CRYM: variants seen among roughly 807,000 people sequenced by gnomAD.
CRYM encodes ketimine reductase mu-crystallin.
A neutral mutation model predicts 32.9 loss-of-function variants in CRYM; 18 were observed. The ratio of observed to expected loss-of-function variants is 0.55; its 90% CI spans 0.38 to 0.81. The LOEUF (loss-of-function observed/expected upper bound fraction) is 0.81, where lower values mean the gene tolerates loss of function less well. Among genes scored for constraint, CRYM ranks in the 30% least tolerant of loss-of-function variants. The probability of loss-of-function intolerance (pLI) is 0.00; values close to 1 mark genes in which losing one functional copy is unlikely to be tolerated. For missense variants in CRYM, 337 were observed against 393.5 expected (o/e 0.86, Z 1.21); for synonymous variants, 153 against 152.4 (o/e 1.00, Z -0.03).
chr16:21,270,031 C>A (rs559823651), intron 3 of CRYM, 140 bp from the exon 4 acceptor site: 1 of 694,882 alleles, frequency 1.4e-6, no homozygotes, highest in African/African-American at 1.8e-5. Flanking sequence ...AGAGAATTTC[C>A]TTTTGTGTCT....
intron 1 of CRYM, among the ~76,000 whole-genome samples, chr16:21,290,899 A>T (rs182512522): frequency 6.6e-6 from 1 of 152,324 alleles, no homozygotes; most frequent in African/African-American, 2.4e-5. Flanking sequence ...GGTATGAGAA[A>T]TAATCAGCAT....
chr16:21,292,977 TGGATG>T (rs1960698705), intron 1 of CRYM, among the ~76,000 whole-genome samples: 1 of 151,918 alleles, frequency 6.6e-6, no homozygotes, highest in South Asian at 2.1e-4. Context: ...GATGGATTGA[TGGATG>T]AACGGATGGA....
At position 21,277,447 on chromosome 16, in the gene CRYM, T is replaced by C. The variant is rs777847549; in HGVS notation, c.308A>G (p.Asn103Ser). 1 of 1,613,388 alleles carries C rather than the reference T, an allele frequency of 6.2e-7. No individual in the cohort carries two copies. The highest frequency in any genetic ancestry group is 1.3e-5 in the African/African-American group (1 of 74,866). The change falls in exon 2 of 8, where the codon AAT becomes AGT. Residue 103 changes from asparagine (N) to serine (S), a missense_variant. By Grantham distance (46) the Asn-to-Ser change is conservative. Transcript: ENST00000572914. The surrounding 1 kb of genome is among the most constrained non-coding windows in gnomAD (Gnocchi z 4.2). ...GTTGCTCACCGCCAGCAGGGTGCCA[T>C]TGCTGGGCTCAAAGAGTAGCACAGT... ...QATVLLFEPS[N>S]GTLLAVMDGN... is the part of the protein sequence containing the mutation.
intron 4 of CRYM, 102 bp from the exon 5 acceptor site, chr16:21,267,839 G>C (rs1214953826): frequency 9.1e-7 from 1 of 1,102,348 alleles, no homozygotes; most frequent in African/African-American, 1.5e-5. Flanking sequence ...CTCTGGCATA[G>C]GGGTCAGTGG....
upstream of CRYM, chr16:21,278,325 G>C (rs2152863429): frequency 2.0e-6 from 3 of 1,516,930 alleles, no homozygotes; most frequent in East Asian, 4.9e-5. Context: ...CTTTATGAGC[G>C]CGCCCGCTGC....
intron 6 of CRYM, 135 bp downstream of exon 6, chr16:21,261,902 G>C: frequency 9.8e-7 from 1 of 1,025,194 alleles, no homozygotes; most frequent in Non-Finnish European, 1.5e-6. Flanking sequence ...AAATGTTTAG[G>C]AGCTCCTTCC....
In CRYM at chr16:21,293,028, A is replaced by AAAGATAGAT. The variant is rs140182454; in HGVS notation, c.-193+9949_-193+9950insATCTATCTT. On this transcript the variant is annotated intron_variant, in intron 1 of 9. Transcript: ENST00000219599. ...AATAGATGGATAGGTAAGTAGATAG[A>AAAGATAGAT]AGATAGATAGATAGATAGATAGATA... Among the ~76,000 whole-genome samples the AAAGATAGAT allele has an allele frequency of 2.0e-4, 30 of 150,480 alleles. 1 individual carries two copies. The East Asian group carries it at 5.0e-3, about 25-fold the overall frequency.
chr16:21,297,875 T>C (rs1289479867), intron 1 of CRYM, among the ~76,000 whole-genome samples: 1 of 152,226 alleles, frequency 6.6e-6, no homozygotes. Flanking sequence ...AACTCTGCGG[T>C]ATGTAAGAAA....
intron 3 of CRYM, among the ~76,000 whole-genome samples, chr16:21,270,653 C>T (rs1267561743): frequency 2.0e-5 from 3 of 152,112 alleles, no homozygotes; most frequent in African/African-American, 7.2e-5. Context: ...AAGCCCATGT[C>T]CTTTCTTCAT....
At position 21,277,496 on chromosome 16, in the gene CRYM, A is replaced by C. The variant is rs1184423899; in HGVS notation, c.259T>G (p.Ser87Ala). The C allele has an allele frequency of 6.2e-7, 1 of 1,613,874 alleles. No homozygotes were observed. The highest frequency in any genetic ancestry group is 2.2e-5 in the East Asian group (1 of 44,876). ...GTAGCCTGGTGGGAAGGGACGACCG[A>C]GGTGATGCCGCGGTCCTCGTAGAAG... Reference protein sequence around the residue: ...VTFYEDRGITSVVPSHQATVL... With the variant: ...VTFYEDRGITAVVPSHQATVL... The change falls in exon 2 of 8, where the codon TCG becomes GCG. Residue 87 changes from serine to alanine, a missense_variant. Coordinates refer to ENST00000572914, the MANE Select transcript of CRYM (RefSeq NM_001376256.1). The surrounding 1 kb of genome is among the most constrained non-coding windows in gnomAD (Gnocchi z 4.2).
chr16:21,279,903 AAG>A (rs958676039), upstream of CRYM, among the ~76,000 whole-genome samples: 9 of 151,534 alleles, frequency 5.9e-5, no homozygotes, highest in African/African-American at 1.9e-4. Context: ...CTGAGAGAGA[AAG>A]AGAGAGAGAG....
upstream of CRYM, among the ~76,000 whole-genome samples, chr16:21,281,997 A>T (rs2093399029): frequency 6.6e-6 from 1 of 152,182 alleles, no homozygotes; most frequent in African/African-American, 2.4e-5. Flanking sequence ...GTTTGGCTCC[A>T]TGTCCACACC....
chr16:21,290,235 A>G (rs1014633143), intron 1 of CRYM, among the ~76,000 whole-genome samples: 1 of 152,328 alleles, frequency 6.6e-6, no homozygotes. Context: ...TTGGGTCCAC[A>G]CTACCTTTGT....
At chr16:21,265,333 C>A (rs75033452) in intron 5 of CRYM, among the ~76,000 whole-genome samples, 6,990 of 152,226 alleles carry the variant, frequency 0.046, 521 homozygotes, top group African/African-American at 0.16. Flanking sequence ...ACCCTGAATG[C>A]CTTTCCTTCA....
chr16:21,261,407 G>T, intron 6 of CRYM, 69 bp from the exon 7 acceptor site: 1 of 1,095,620 alleles, frequency 9.1e-7, no homozygotes, highest in Non-Finnish European at 1.4e-6. Flanking sequence ...TTTGAAGCCA[G>T]CCCAGGGAAT....
At chr16:21,265,366 C>T (rs1473931989) in intron 5 of CRYM, among the ~76,000 whole-genome samples, 2 of 152,186 alleles carry the variant, frequency 1.3e-5, no homozygotes, top group African/African-American at 2.4e-5. Flanking sequence ...GCTGCTCTTC[C>T]TCCTCATTCA....
rs372799786 is a variant in CRYM at position 21,289,640 on chromosome 16, A to G, written c.-192-10680T>C. Among the ~76,000 whole-genome samples, 73 of 152,266 alleles carry G rather than the reference A, an allele frequency of 4.8e-4. 1 individual carries two copies. In the South Asian group the frequency reaches 0.015, roughly 31 times the overall value. The stretch of plus-strand genomic sequence containing the variant: ...AGAATGTCATAAGAATTTACATATT[A>G]GGTGCAAACTTACCCTCTACCTCCT... On this transcript the variant is annotated intron_variant, in intron 1 of 9. Coordinates refer to the CRYM transcript ENST00000219599.
intron 1 of CRYM, among the ~76,000 whole-genome samples, chr16:21,301,513 A>AGTAG (rs1056348769): frequency 6.6e-6 from 1 of 152,068 alleles, no homozygotes; most frequent in African/African-American, 2.4e-5. Flanking sequence ...GCAGGGAAGA[A>AGTAG]GTAACGTTGG....
chr16:21,287,002 A>G (rs2093408527), intron 1 of CRYM, among the ~76,000 whole-genome samples: 1 of 152,044 alleles, frequency 6.6e-6, no homozygotes, highest in Non-Finnish European at 1.5e-5. Context: ...AGGCAGGAGA[A>G]TGGCGTGAAC....
Sources: gnomAD v4.1 joint callset for allele counts (sites outside exome capture counted in the v4.1 genomes callset) on GRCh38, gnomAD v4.1.1 for gene constraint, Gnocchi (gnomAD v3.1) non-coding constraint, MANE v1.5 for transcripts, NCBI Gene and HGNC (gene_info 2026-07-23, HGNC 2026-07-21) for gene names.